DIS3L2: variants seen among roughly 807,000 people sequenced by gnomAD.
The protein encoded by DIS3L2 is DIS3 like 3'-5' exoribonuclease 2, also known as DIS3-like exonuclease 2.
DIS3L2 carries 34 observed loss-of-function variants against 97.5 expected under a neutral mutation model. The ratio of observed to expected loss-of-function variants is 0.35; its 90% CI spans 0.27 to 0.46. The LOEUF (loss-of-function observed/expected upper bound fraction) is 0.46. Ranked by LOEUF, DIS3L2 falls within the 20% of genes least tolerant of loss-of-function variation. The probability of loss-of-function intolerance (pLI) is 1.00; values close to 1 mark genes in which losing one functional copy is unlikely to be tolerated. For synonymous variants in DIS3L2, 435 were observed against 445.2 expected, an observed-to-expected ratio of 0.98 and a Z score of 0.29; for missense variants, 1,038 against 1,146.0, an observed-to-expected ratio of 0.91 and a Z score of 1.36.
chr2:232,290,838 C>G (rs996057927), intron 13 of DIS3L2, among the ~76,000 whole-genome samples: 3 of 152,154 alleles, frequency 2.0e-5, no homozygotes, highest in African/African-American at 7.2e-5. Flanking sequence ...ACTAATGAAT[C>G]GGGAACTCCA....
intron 9 of DIS3L2, among the ~76,000 whole-genome samples, chr2:232,169,394 G>A (rs528639461): frequency 3.3e-5 from 5 of 152,054 alleles, no homozygotes; most frequent in Admixed American, 1.3e-4. Flanking sequence ...CACTGAAAAT[G>A]CAAAGACAAC....
chr2:232,063,255 G>A (rs138757223), intron 5 of DIS3L2, among the ~76,000 whole-genome samples: 20 of 152,218 alleles, frequency 1.3e-4, no homozygotes, highest in African/African-American at 4.8e-4. Flanking sequence ...TTGATCAATG[G>A]CACTTAGTAT....
chr2:232,073,590 G>GCTCGAGGAAAGGTTTTTT (rs1696097753), intron 5 of DIS3L2, among the ~76,000 whole-genome samples: 3 of 152,142 alleles, frequency 2.0e-5, no homozygotes, highest in Admixed American at 2.0e-4. Context: ...TGGTCTTTGA[G>GCTCGAGGAAAGGTTTTTT]CTCGAGGAAA....
intron 10 of DIS3L2, among the ~76,000 whole-genome samples, chr2:232,220,948 A>G (rs1692487232): frequency 6.6e-6 from 1 of 151,652 alleles, no homozygotes; most frequent in South Asian, 2.1e-4. Context: ...ACTAAAAAAT[A>G]CAAAATTAGC....
chr2:232,003,667 AT>A (rs1455549513), intron 1 of DIS3L2, among the ~76,000 whole-genome samples: 1 of 152,092 alleles, frequency 6.6e-6, no homozygotes, highest in Admixed American at 6.5e-5. Context: ...TATCTGAAAA[AT>A]GTCTTTGTTT....
intron 10 of DIS3L2, among the ~76,000 whole-genome samples, chr2:232,230,587 G>T (rs910283315): frequency 6.6e-6 from 1 of 152,178 alleles, no homozygotes; most frequent in Non-Finnish European, 1.5e-5. Flanking sequence ...TGTTCTATCT[G>T]TCAAGGTGTC....
intron 11 of DIS3L2, among the ~76,000 whole-genome samples, chr2:232,245,284 G>A (rs1330719252): frequency 6.6e-6 from 1 of 152,170 alleles, no homozygotes; most frequent in East Asian, 1.9e-4. Context: ...ATGGACTGTT[G>A]CGCCATGGTC....
intron 5 of DIS3L2, among the ~76,000 whole-genome samples, chr2:232,080,037 TGG>T (rs1696340863): frequency 6.6e-6 from 1 of 152,164 alleles, no homozygotes; most frequent in African/African-American, 2.4e-5. Flanking sequence ...TGGTCCAAAA[TGG>T]AAATAAAGAG....
intron 1 of DIS3L2, among the ~76,000 whole-genome samples, chr2:231,990,687 T>C (rs943423550): frequency 6.6e-6 from 1 of 152,182 alleles, no homozygotes; most frequent in Non-Finnish European, 1.5e-5. Flanking sequence ...TCATTGCAAA[T>C]CTTAAATTTG....
intron 1 of DIS3L2, among the ~76,000 whole-genome samples, chr2:232,000,391 G>C (rs886081244): frequency 6.6e-6 from 1 of 151,986 alleles, no homozygotes; most frequent in African/African-American, 2.4e-5. Flanking sequence ...TTGAAATTTT[G>C]TGTCTTTTGG....
In DIS3L2 at chr2:232,187,589, C is replaced by T. The variant is rs552147742; in HGVS notation, c.1125-22737C>T. ...TCCCAAGTAGCTGGGACTACAGGTG[C>T]GCGCCACCATGCCCAGCTATTTTTT... On this transcript the variant is annotated intron_variant, in intron 9 of 20. Transcript: ENST00000325385. 2.3e-4 allele frequency among the ~76,000 whole-genome samples: 35 copies of T among 152,062 alleles called. No homozygotes were observed. The South Asian group carries it at 3.9e-3, about 17-fold the overall frequency.
chr2:232,190,398 G>A (rs1234017335), intron 9 of DIS3L2, among the ~76,000 whole-genome samples: 1 of 152,144 alleles, frequency 6.6e-6, no homozygotes, highest in Non-Finnish European at 1.5e-5. Flanking sequence ...TCTCAGTTGG[G>A]GGATATGCCT....
chr2:232,158,520 T>C (rs927184104), intron 8 of DIS3L2, among the ~76,000 whole-genome samples: 16 of 152,144 alleles, frequency 1.1e-4, no homozygotes, highest in Non-Finnish European at 2.9e-5. Flanking sequence ...ACATACTAAG[T>C]CCCTAACTTT....
intron 1 of DIS3L2, among the ~76,000 whole-genome samples, chr2:231,976,415 A>C (rs1034178141): frequency 5.9e-5 from 9 of 151,992 alleles, no homozygotes; most frequent in Non-Finnish European, 1.2e-4. Context: ...AGATTGCTTG[A>C]GCTCAGGAGT....
Position 232,336,791 on chromosome 2 carries a change from G to T in DIS3L2, c.*161G>T. The T allele has an allele frequency of 6.9e-7, 1 of 1,448,716 alleles. No individual in the cohort carries two copies. Among genetic ancestry groups the T allele is most frequent in the Non-Finnish European group, 9.0e-7 (1 of 1,109,018 alleles). The allele number at this position is 1,448,716 out of a possible 1,614,324, so 89.7% of individuals were successfully genotyped here. A position where few individuals can be genotyped will look rare whatever the true frequency, so the allele number is the denominator to read the frequency against. On this transcript the variant is annotated 3_prime_UTR_variant, in exon 21 of 21. Coordinates refer to ENST00000325385, the MANE Select transcript of DIS3L2 (RefSeq NM_152383.5). ...TTGCAGCTCAACTTTTAAACAAACT[G>T]CAGGGGAGAGGGTGGGGCTGGAAGG... is the stretch of plus-strand genomic sequence containing the variant.
At chr2:232,339,112 TGAAGCTC>T, downstream of DIS3L2, among the ~76,000 whole-genome samples, 1 of 152,266 alleles carries the variant, frequency 6.6e-6, no homozygotes, top group Middle Eastern at 3.4e-3. Flanking sequence ...AGGAAGGAGC[TGAAGCTC>T]TCAAGAGTTT....
At chr2:232,266,422 G>A (rs1693859662) in intron 13 of DIS3L2, among the ~76,000 whole-genome samples, 1 of 152,160 alleles carries the variant, frequency 6.6e-6, no homozygotes, top group Admixed American at 6.5e-5. Context: ...TGACTTGAGA[G>A]AGAAAAACAT....
At chr2:232,285,227 C>T (rs1694395419) in intron 13 of DIS3L2, among the ~76,000 whole-genome samples, 1 of 152,148 alleles carries the variant, frequency 6.6e-6, no homozygotes, top group African/African-American at 2.4e-5. Flanking sequence ...TACTACTTAG[C>T]TGTGTGACTG....
intron 1 of DIS3L2, among the ~76,000 whole-genome samples, chr2:231,992,942 T>G (rs1693624557): frequency 6.6e-6 from 1 of 152,200 alleles, no homozygotes; most frequent in African/African-American, 2.4e-5. Context: ...GTCTCAATCC[T>G]AGGTCCCTTC....
Sources: gnomAD v4.1 joint callset for allele counts (sites outside exome capture counted in the v4.1 genomes callset) on GRCh38, gnomAD v4.1.1 for gene constraint, MANE v1.5 for transcripts, NCBI Gene and HGNC (gene_info 2026-07-23, HGNC 2026-07-21) for gene names.